SLC24A3: variants seen among roughly 807,000 people sequenced by gnomAD.
SLC24A3 encodes the protein solute carrier family 24 member 3.
SLC24A3 carries 28 observed loss-of-function variants against 75.8 expected under a neutral mutation model. The observed-to-expected ratio is 0.37, with a 90% confidence interval of 0.27 to 0.51. The LOEUF is 0.51. Among genes scored for constraint, SLC24A3 ranks in the 20% least tolerant of loss-of-function variants. SLC24A3 has a pLI of 0.94. For missense variants in SLC24A3, 663 were observed against 847.8 expected (o/e 0.78, Z 2.71); for synonymous variants, 372 against 334.1 (o/e 1.11, Z -1.24).
chr20:19,315,214 C>A (rs941691186), intron 2 of SLC24A3, among the ~76,000 whole-genome samples: 1 of 152,190 alleles, frequency 6.6e-6, no homozygotes, highest in Admixed American at 6.5e-5. Context: ...CTGTGCTGGG[C>A]AGACCTGATT....
chr20:19,715,160 C>T (rs2033031648), intron 15 of SLC24A3, among the ~76,000 whole-genome samples: 1 of 152,232 alleles, frequency 6.6e-6, no homozygotes, highest in African/African-American at 2.4e-5. Context: ...GAGCCCATCT[C>T]TCCCATTCAA....
chr20:19,301,189 A>G (rs1466568987), intron 2 of SLC24A3, among the ~76,000 whole-genome samples: 1 of 152,144 alleles, frequency 6.6e-6, no homozygotes, highest in Non-Finnish European at 1.5e-5. Context: ...TTAGGATTGG[A>G]TCTGCTATTT....
At chr20:19,341,522 C>A (rs1327756729) in intron 2 of SLC24A3, among the ~76,000 whole-genome samples, 1 of 152,114 alleles carries the variant, frequency 6.6e-6, no homozygotes, top group Non-Finnish European at 1.5e-5. Flanking sequence ...AACACCTTAC[C>A]AGAAACAAGG....
chr20:19,511,733 C>T (rs1228805146), intron 2 of SLC24A3, among the ~76,000 whole-genome samples: 1 of 152,162 alleles, frequency 6.6e-6, no homozygotes, highest in African/African-American at 2.4e-5. Context: ...TCTTTGCAAG[C>T]TGTGCATGAG....
chr20:19,485,122 A>G (rs956422050), intron 2 of SLC24A3, among the ~76,000 whole-genome samples: 13 of 152,154 alleles, frequency 8.5e-5, no homozygotes, highest in African/African-American at 2.9e-4. Flanking sequence ...TATTTCTGTC[A>G]ATTTTTTTTA....
At chr20:19,576,791 C>T (rs1022221048) in intron 3 of SLC24A3, among the ~76,000 whole-genome samples, 1 of 152,164 alleles carries the variant, frequency 6.6e-6, no homozygotes, top group African/African-American at 2.4e-5. Flanking sequence ...TTATGGACTT[C>T]TAGGCAGTGT....
At chr20:19,637,877 C>T (rs945337395) in intron 6 of SLC24A3, among the ~76,000 whole-genome samples, 2 of 151,952 alleles carry the variant, frequency 1.3e-5, no homozygotes, top group Admixed American at 6.6e-5. Context: ...AGATAGTAGT[C>T]CTAATAATTA....
intron 2 of SLC24A3, among the ~76,000 whole-genome samples, chr20:19,447,833 T>C (rs1257610725): frequency 6.6e-6 from 1 of 152,212 alleles, no homozygotes; most frequent in Admixed American, 6.5e-5. Context: ...GTGAACTTAA[T>C]TTCTGGGGTA....
intron 1 of SLC24A3, among the ~76,000 whole-genome samples, chr20:19,237,758 GCT>G (rs1982208017): frequency 6.6e-6 from 1 of 152,184 alleles, no homozygotes. Context: ...GAGATATGCA[GCT>G]CTCATGAGGG....
At chr20:19,487,142 A>G (rs1377313680) in intron 2 of SLC24A3, among the ~76,000 whole-genome samples, 1 of 152,218 alleles carries the variant, frequency 6.6e-6, no homozygotes, top group Non-Finnish European at 1.5e-5. Flanking sequence ...CTGTACCCTT[A>G]TGACTCTTCT....
At chr20:19,389,759 G>C (rs1377659210) in intron 2 of SLC24A3, among the ~76,000 whole-genome samples, 43 of 152,194 alleles carry the variant, frequency 2.8e-4, no homozygotes, top group Admixed American at 2.4e-3. Context: ...TTATATATCT[G>C]AATATTAACT....
chr20:19,588,938 T>C (rs939142886), intron 6 of SLC24A3, among the ~76,000 whole-genome samples: 1 of 152,242 alleles, frequency 6.6e-6, no homozygotes, highest in Admixed American at 6.5e-5. Flanking sequence ...AGCTCCAACA[T>C]CAGCCCTACT....
chr20:19,289,115 G>T (rs568531338), intron 2 of SLC24A3, among the ~76,000 whole-genome samples: 2 of 152,080 alleles, frequency 1.3e-5, no homozygotes, highest in Non-Finnish European at 2.9e-5. Context: ...GGTGGTGCCT[G>T]TGCCATATTG....
chr20:19,336,876 G>A (rs112594401), intron 2 of SLC24A3, among the ~76,000 whole-genome samples: 52 of 151,920 alleles, frequency 3.4e-4, no homozygotes, highest in Non-Finnish European at 4.4e-4. Context: ...AAATGTACAC[G>A]AACATGCTAT....
At chr20:19,599,075 T>C (rs953038258) in intron 6 of SLC24A3, among the ~76,000 whole-genome samples, 3 of 152,172 alleles carry the variant, frequency 2.0e-5, no homozygotes, top group African/African-American at 7.2e-5. Context: ...AACCCCATGG[T>C]GTCGGTTCTT....
At chr20:19,249,696 G>A (rs1013458772) in intron 1 of SLC24A3, among the ~76,000 whole-genome samples, 4 of 152,182 alleles carry the variant, frequency 2.6e-5, no homozygotes, top group Non-Finnish European at 5.9e-5. Flanking sequence ...GGTGGACTGA[G>A]TAACTGATGC....
intron 2 of SLC24A3, among the ~76,000 whole-genome samples, chr20:19,492,724 C>T (rs1159034977): frequency 6.6e-6 from 1 of 152,146 alleles, no homozygotes; most frequent in Non-Finnish European, 1.5e-5. Context: ...TTTTTTGAAG[C>T]TAATTTTATT....
chr20:19,533,789 C>G (rs1409905664), intron 3 of SLC24A3, among the ~76,000 whole-genome samples: 1 of 152,132 alleles, frequency 6.6e-6, no homozygotes, highest in Non-Finnish European at 1.5e-5. Context: ...AGGAGTTGAC[C>G]CAACCATATC....
intron 1 of SLC24A3, among the ~76,000 whole-genome samples, chr20:19,253,482 T>C (rs1206379790): frequency 6.6e-6 from 1 of 152,160 alleles, no homozygotes. Flanking sequence ...TTCCATGTTG[T>C]ATTTGCTTCT....
Sources: allele counts gnomAD v4.1 joint callset (sites outside exome capture counted in the v4.1 genomes callset), GRCh38; gene constraint gnomAD v4.1.1; transcripts MANE v1.5; gene names NCBI Gene and HGNC (gene_info 2026-07-23, HGNC 2026-07-21).